LMO4: variants seen among roughly 807,000 people sequenced by gnomAD.
The protein encoded by LMO4 is LIM domain only 4, also known as LIM domain transcription factor LMO4.
Under a neutral mutation model 18.5 loss-of-function variants are expected in LMO4, and 3 were observed. The observed-to-expected ratio is 0.16, with a 90% CI of 0.07 to 0.42. The LOEUF is 0.42. LMO4 is among the 10% of genes least tolerant of loss of function. The pLI is 0.99. For missense variants in LMO4, 121 were observed against 219.9 expected (o/e 0.55, Z 2.84); for synonymous variants, 100 against 88.1 (o/e 1.14, Z -0.76).
chr1:87,333,600 T>A (rs1650213108), intron 2 of LMO4, among the ~76,000 whole-genome samples: 1 of 152,194 alleles, frequency 6.6e-6, no homozygotes, highest in African/African-American at 2.4e-5. Flanking sequence ...TAAAATGACA[T>A]TTAGTTATTT....
chr1:87,340,455 T>C (rs1185185513), intron 4 of LMO4, among the ~76,000 whole-genome samples: 1 of 152,242 alleles, frequency 6.6e-6, no homozygotes, highest in Non-Finnish European at 1.5e-5. Context: ...GATTATCACA[T>C]GCAAAAGCAA....
chr1:87,345,603 C>T lies in LMO4; in HGVS notation c.*807C>T, dbSNP rs549067842. ...ATATTTAATGGTGTTTGGGTTTAAA[C>T]ACTGCTTTTTCTCTTCTGTATTTTG... is the stretch of plus-strand genomic sequence containing the variant. On this transcript the variant is annotated 3_prime_UTR_variant, in exon 5 of 5. Coordinates refer to ENST00000370544, the MANE Select transcript of LMO4 (RefSeq NM_006769.4). 2 of 152,144 alleles carry T rather than the reference C, an allele frequency of 1.3e-5. No homozygotes were observed. The highest frequency in any genetic ancestry group is 4.8e-5 in the African/African-American group (2 of 41,516). The allele number at this position is 152,144 out of a possible 1,614,324, so 9.4% of individuals were successfully genotyped here.
At chr1:87,329,981 A>G (rs1305991435) in intron 1 of LMO4, among the ~76,000 whole-genome samples, 1 of 150,366 alleles carries the variant, frequency 6.7e-6, no homozygotes, top group Admixed American at 6.6e-5. Flanking sequence ...CTAGAGTATA[A>G]GCCTATTTAA....
At chr1:87,336,381 A>T (rs969841204) in intron 2 of LMO4, among the ~76,000 whole-genome samples, 2 of 152,228 alleles carry the variant, frequency 1.3e-5, no homozygotes, top group African/African-American at 4.8e-5. Flanking sequence ...ACAGCCAGGT[A>T]GCGTTTCATA....
intron 2 of LMO4, among the ~76,000 whole-genome samples, chr1:87,333,773 G>A (rs537381957): frequency 6.6e-6 from 1 of 152,266 alleles, no homozygotes; most frequent in South Asian, 2.1e-4. Context: ...GAACATGGGT[G>A]TAATGCTTTC....
At chr1:87,331,860 C>G (rs1032288023) in intron 1 of LMO4, 153 bp from the exon 2 acceptor site, 11 of 612,604 alleles carry the variant, frequency 1.8e-5, no homozygotes, top group African/African-American at 1.3e-4. Context: ...TTCCCTCTCC[C>G]CCTCAGCCTC....
chr1:87,338,401 G>A (rs764153054), intron 2 of LMO4, among the ~76,000 whole-genome samples: 3 of 152,052 alleles, frequency 2.0e-5, no homozygotes, highest in Non-Finnish European at 2.9e-5. Context: ...TTTGTTTTTC[G>A]TTTTTGAAAA....
At chr1:87,329,725 T>A (rs1356766162) in intron 1 of LMO4, among the ~76,000 whole-genome samples, 1 of 152,192 alleles carries the variant, frequency 6.6e-6, no homozygotes, top group Non-Finnish European at 1.5e-5. Context: ...AAAATTCTTC[T>A]TGGCTTATAA....
intron 4 of LMO4, 116 bp downstream of exon 4, chr1:87,340,318 A>T: frequency 5.7e-6 from 5 of 879,310 alleles, no homozygotes; most frequent in Non-Finnish European, 8.9e-6. Context: ...CTTTTAAAGA[A>T]ATGTAGATTA....
rs776904648 is a variant in LMO4, at chr1:87,340,061, T to C, written c.348T>C (p.Ser116=). ...TTCCCTTTCAGTGTTTTACATGCTC[T>C]ACCTGCCGGAATCGCCTGGTCCCGG... ...NVYHLKCFTC[S]TCRNRLVPGD... Residue 116 remains serine, a synonymous_variant, in exon 4 of 5, where the codon TCT becomes TCC. Transcript: ENST00000370544. 1.4e-5 allele frequency: 22 copies of C among 1,613,550 alleles called. No individual in the cohort carries two copies. Among genetic ancestry groups the C allele is most frequent in the Non-Finnish European group, 1.8e-5 (21 of 1,179,896 alleles).
In LMO4 at chr1:87,340,158, C is replaced by G; in HGVS notation, c.445C>G (p.His149Asp). The change falls in exon 4 of 5, where the codon CAT becomes GAT. Residue 149 changes from histidine (H) to aspartate (D), a missense_variant. Around this residue, in one of 4 missense-constraint regions of LMO4, gnomAD observed 62 missense variants for 128.8 expected, o/e 0.48. Transcript: ENST00000370544. ...HDRPTALING[H>D]LNSLQSNPLL... ...TAGACCTACAGCTCTCATCAATGGC[C>G]ATTTGAATTCACTTCAGAGCAATCC... 4 of 1,614,090 alleles carry G rather than the reference C, an allele frequency of 2.5e-6. No homozygotes were observed. The highest frequency in any genetic ancestry group is 3.4e-6 in the Non-Finnish European group (4 of 1,179,988).
chr1:87,331,023 C>A (rs1301658945), intron 1 of LMO4, among the ~76,000 whole-genome samples: 3 of 131,890 alleles, frequency 2.3e-5, no homozygotes, highest in Non-Finnish European at 4.7e-5. Context: ...TTGTGCATCC[C>A]TTAATGGTGC....
In LMO4 at chr1:87,345,209, T is replaced by C. The variant is rs956088740; in HGVS notation, c.*413T>C. The C allele has an allele frequency of 5.9e-6, 1 of 169,772 alleles. No homozygotes were observed. The highest frequency in any genetic ancestry group is 1.3e-5 in the Non-Finnish European group (1 of 79,776). 10.5% of individuals were successfully genotyped at this position (169,772 alleles called of 1,614,324 possible). A position where few individuals can be genotyped will look rare whatever the true frequency, so the allele number is the denominator to read the frequency against. ...TTTACCTTAACAACATTCTATTTGC[T>C]CTTTGTATATTTAAGTGTTGTAAGG... On this transcript the variant is annotated 3_prime_UTR_variant, in exon 5 of 5. Transcript: ENST00000370544.
intron 2 of LMO4, among the ~76,000 whole-genome samples, chr1:87,335,871 GAAAA>G (rs781402794): frequency 1.5e-5 from 2 of 129,876 alleles, no homozygotes; most frequent in Non-Finnish European, 3.3e-5. Flanking sequence ...CTATTAGCTA[GAAAA>G]AAAAAAAAAA....
Position 87,345,039 on chromosome 1 carries a change from G to T in LMO4, c.*243G>T. The T allele has an allele frequency of 6.1e-6, 1 of 164,894 alleles. No individual in the cohort carries two copies. Among genetic ancestry groups the T allele is most frequent in the Non-Finnish European group, 1.3e-5 (1 of 77,962 alleles). The allele number at this position is 164,894 out of a possible 1,614,324, so 10.2% of individuals were successfully genotyped here. On this transcript the variant is annotated 3_prime_UTR_variant, in exon 5 of 5. Transcript: ENST00000370544. ...GGAGACTGTAGAGAAAATGAAAAAA[G>T]ATCCACCAGAGGACATCTTGGGGAG...
At chr1:87,336,931 C>T (rs1302573454) in intron 2 of LMO4, among the ~76,000 whole-genome samples, 1 of 152,018 alleles carries the variant, frequency 6.6e-6, no homozygotes, top group Non-Finnish European at 1.5e-5. Flanking sequence ...GGACAGTCCC[C>T]CTGGTTAGAT....
chr1:87,339,468 G>T (rs1251704757), intron 2 of LMO4, 68 bp from the exon 3 acceptor site: 1 of 1,075,070 alleles, frequency 9.3e-7, no homozygotes, highest in Non-Finnish European at 1.4e-6. Flanking sequence ...AGAGTCTGGG[G>T]GTGTTTTTCT....
At chr1:87,331,048 T>C (rs1650123553) in intron 1 of LMO4, among the ~76,000 whole-genome samples, 1 of 115,132 alleles carries the variant, frequency 8.7e-6, no homozygotes, top group African/African-American at 3.3e-5. Flanking sequence ...TCGCACATTA[T>C]CTGTAACGCC....
chr1:87,339,918 A>G, intron 3 of LMO4, 129 bp from the exon 4 acceptor site: 1 of 1,069,748 alleles, frequency 9.3e-7, no homozygotes, highest in South Asian at 1.6e-5. Context: ...TGTCAAAGGA[A>G]GAAAAAACGC....
Sources: gnomAD v4.1 joint callset for allele counts (sites outside exome capture counted in the v4.1 genomes callset) on GRCh38, gnomAD v4.1.1 for gene constraint, gnomAD v4.1.1 regional missense constraint, MANE v1.5 for transcripts, NCBI Gene and HGNC (gene_info 2026-07-23, HGNC 2026-07-21) for gene names.